CEP126: variants seen among roughly 807,000 people sequenced by gnomAD.
CEP126 encodes the protein centrosomal protein 126.
A neutral mutation model predicts 107.8 loss-of-function variants in CEP126; 74 were observed. The ratio of observed to expected loss-of-function variants is 0.69; its 90% confidence interval spans 0.57 to 0.83. The LOEUF is 0.83. CEP126 is among the 40% of genes least tolerant of loss of function. The probability of loss-of-function intolerance (pLI) is 0.00; values close to 1 mark genes in which losing one functional copy is unlikely to be tolerated. For missense variants in CEP126, 1,237 were observed against 1,281.9 expected (o/e 0.96, Z 0.53); for synonymous variants, 449 against 446.0 (o/e 1.01, Z -0.08).
intron 2 of CEP126, among the ~76,000 whole-genome samples, chr11:101,930,451 G>C (rs1940479715): frequency 6.6e-6 from 1 of 152,158 alleles, no homozygotes; most frequent in Non-Finnish European, 1.5e-5. Context: ...GACTTCAGGA[G>C]TGAAGCCGCA....
intron 1 of CEP126, among the ~76,000 whole-genome samples, chr11:101,919,507 T>A (rs1240036055): frequency 3.9e-5 from 6 of 152,112 alleles, no homozygotes; most frequent in Non-Finnish European, 7.4e-5. Context: ...GTGTTTTTTT[T>A]ATGGAACTCC....
At chr11:101,927,459 A>G (rs762377564) in intron 2 of CEP126, among the ~76,000 whole-genome samples, 32 of 152,292 alleles carry the variant, frequency 2.1e-4, no homozygotes, top group East Asian at 1.7e-3. Context: ...ATATAGTACA[A>G]TATCACAACT....
intron 8 of CEP126, 61 bp downstream of exon 8, chr11:101,982,025 T>G: frequency 2.2e-6 from 2 of 897,874 alleles, no homozygotes; most frequent in East Asian, 5.1e-5. Flanking sequence ...TTTTCTTGTA[T>G]GCCTATTCTC....
intron 4 of CEP126, among the ~76,000 whole-genome samples, chr11:101,949,760 G>A (rs1179046491): frequency 6.6e-6 from 1 of 152,178 alleles, no homozygotes; most frequent in Non-Finnish European, 1.5e-5. Context: ...GAGAGGTTAA[G>A]TAAGGGACTA....
chr11:101,966,115 G>C (rs990353351), intron 6 of CEP126, among the ~76,000 whole-genome samples: 2 of 151,968 alleles, frequency 1.3e-5, no homozygotes, highest in African/African-American at 2.4e-5. Flanking sequence ...TTCGTATAAG[G>C]GACATTGGAA....
At position 101,962,766 on chromosome 11, in the gene CEP126, T is replaced by A; in HGVS notation, c.1731T>A (p.Ser577Arg). The change falls in exon 6 of 11, where the codon AGT becomes AGA. Residue 577 changes from serine to arginine, a missense_variant. Around this residue, in one of 3 missense-constraint regions of CEP126, gnomAD observed 1,134 missense variants for 1,150.5 expected, o/e 0.99. Coordinates refer to ENST00000263468, the MANE Select transcript of CEP126 (RefSeq NM_020802.4). ...HERNGVRFLK[S>R]ILKKESKYEH... ...GAAATGGTGTGAGATTTCTTAAAAGTATTTTAAAGAAAGAATCTAAATATG... is the reference window on the plus strand; with the variant it reads ...GAAATGGTGTGAGATTTCTTAAAAGAATTTTAAAGAAAGAATCTAAATATG... The A allele has an allele frequency of 6.2e-7, 1 of 1,605,848 alleles. No homozygotes were observed. The highest frequency in any genetic ancestry group is 8.5e-7 in the Non-Finnish European group (1 of 1,177,874).
At chr11:101,940,684 T>C (rs1940651018) in intron 2 of CEP126, among the ~76,000 whole-genome samples, 1 of 152,220 alleles carries the variant, frequency 6.6e-6, no homozygotes, top group Non-Finnish European at 1.5e-5. Context: ...CTGAGAAGGC[T>C]ACAACAATTG....
intron 6 of CEP126, among the ~76,000 whole-genome samples, chr11:101,969,556 A>G (rs1591288325): frequency 6.6e-6 from 1 of 152,364 alleles, no homozygotes; most frequent in East Asian, 1.9e-4. Context: ...GCAATTCTCC[A>G]CAAACTAATC....
At position 101,962,679 on chromosome 11, in the gene CEP126, T is replaced by C. The variant is rs1940994914; in HGVS notation, c.1644T>C (p.Asn548=). Residue 548 remains asparagine, a synonymous_variant, in exon 6 of 11, where the codon AAT becomes AAC. Transcript: ENST00000263468. ...QKLAETSSLS[N]VTSNYDFVGQ... ...TAGCTGAAACATCATCCTTGTCTAA[T>C]GTAACTTCTAATTATGACTTTGTTG... is the stretch of plus-strand genomic sequence containing the variant. The C allele has an allele frequency of 6.2e-7, 1 of 1,613,350 alleles. No homozygotes were observed. Among genetic ancestry groups the C allele is most frequent in the East Asian group, 2.2e-5 (1 of 44,804 alleles).
At position 101,963,208 on chromosome 11, in the gene CEP126, G is replaced by A; in HGVS notation, c.2173G>A (p.Ala725Thr). ...IPSGYNFAKH[A>T]WPASKKEESK... ...TTCAGGTTATAACTTTGCTAAACATGCCTGGCCAGCCTCAAAAAAAGAAGA... is the reference window on the plus strand; with the variant it reads ...TTCAGGTTATAACTTTGCTAAACATACCTGGCCAGCCTCAAAAAAAGAAGA... Residue 725 changes from alanine to threonine, a missense_variant, in exon 6 of 11, where the codon GCC (alanine) becomes ACC (threonine). Coordinates refer to ENST00000263468, the MANE Select transcript of CEP126 (RefSeq NM_020802.4). 3 of 1,613,876 alleles carry A rather than the reference G, an allele frequency of 1.9e-6. No homozygotes were observed. The South Asian group carries it at 3.3e-5, about 18-fold the overall frequency.
chr11:101,956,912 G>A (rs1446906709), intron 4 of CEP126: 1 of 353,264 alleles, frequency 2.8e-6, no homozygotes, highest in Non-Finnish European at 5.5e-6. Flanking sequence ...GAAAGGAATA[G>A]AGAAGAAAGT....
At position 101,999,650 on chromosome 11, in the gene CEP126, A is replaced by C. The variant is rs1941484461; in HGVS notation, c.*2007A>C. 6.6e-6 allele frequency: 1 copy of C among 152,186 alleles called. No homozygotes were observed. The highest frequency in any genetic ancestry group is 2.4e-5 in the African/African-American group (1 of 41,442). 9.4% of individuals were successfully genotyped at this position (152,186 alleles called of 1,614,324 possible). On this transcript the variant is annotated 3_prime_UTR_variant, in exon 11 of 11. Transcript: ENST00000263468. ...CATGACTCCTCCAGAATTTTAGTAGATACAGGGTGGGTTCATTAAGAGTGA... is the reference window on the plus strand; with the variant it reads ...CATGACTCCTCCAGAATTTTAGTAGCTACAGGGTGGGTTCATTAAGAGTGA...
At chr11:101,996,845 G>C (rs1440281660) in intron 10 of CEP126, among the ~76,000 whole-genome samples, 1 of 151,992 alleles carries the variant, frequency 6.6e-6, no homozygotes, top group Non-Finnish European at 1.5e-5. Flanking sequence ...TGGGTTCCAG[G>C]CCCTTTCATC....
intron 3 of CEP126, 120 bp from the exon 4 acceptor site, chr11:101,947,911 A>C: frequency 2.3e-6 from 1 of 439,614 alleles, no homozygotes; most frequent in Non-Finnish European, 4.0e-6. Context: ...TATTCTGAAA[A>C]TATTTTATTT....
chr11:101,965,838 A>G (rs763872369), intron 6 of CEP126, among the ~76,000 whole-genome samples: 10 of 152,196 alleles, frequency 6.6e-5, no homozygotes, highest in African/African-American at 1.2e-4. Context: ...CAGAATTGGT[A>G]TTTTGATCCA....
chr11:101,962,010 A>G lies in CEP126; in HGVS notation c.975A>G (p.Thr325=), dbSNP rs1156319432. The part of the protein sequence containing the change: ...NLDASNTQNV[T]AFSDILSKSN... ...ATGCTTCAAATACTCAGAATGTCAC[A>G]GCTTTCTCAGATATTTTAAGTAAAT... The change falls in exon 6 of 11, where the codon ACA becomes ACG. Residue 325 remains threonine, a synonymous_variant. Coordinates refer to ENST00000263468, the MANE Select transcript of CEP126 (RefSeq NM_020802.4). 6.2e-7 allele frequency: 1 copy of G among 1,612,914 alleles called. No individual in the cohort carries two copies. The highest frequency in any genetic ancestry group is 1.3e-5 in the African/African-American group (1 of 74,884).
At chr11:101,940,818 G>C (rs1940653182) in intron 2 of CEP126, among the ~76,000 whole-genome samples, 1 of 152,202 alleles carries the variant, frequency 6.6e-6, no homozygotes, top group Non-Finnish European at 1.5e-5. Flanking sequence ...CCTGGAGTGA[G>C]CATTCCAGAA....
Position 101,986,798 on chromosome 11 carries a change from G to A in CEP126, c.3035-34G>A, listed in dbSNP as rs1241006161. 3 of 1,521,592 alleles carry A rather than the reference G, an allele frequency of 2.0e-6. No individual in the cohort carries two copies. In the African/African-American group the frequency reaches 4.1e-5, roughly 21 times the overall value. 94.3% of individuals were successfully genotyped at this position (1,521,592 alleles called of 1,614,324 possible). A position where few individuals can be genotyped will look rare whatever the true frequency, so the allele number is the denominator to read the frequency against. Reference sequence around the variant, plus strand: ...TAAGGGCTGATCTCAAAGACAAAAGGGGTTCAAAGAATAACTGATGTAAGT... The same window carrying A: ...TAAGGGCTGATCTCAAAGACAAAAGAGGTTCAAAGAATAACTGATGTAAGT... On this transcript the variant is annotated intron_variant, in intron 8 of 10. Transcript: ENST00000263468.
intron 5 of CEP126, 22 bp downstream of exon 5, chr11:101,958,388 G>C: frequency 6.3e-7 from 1 of 1,594,186 alleles, no homozygotes. Context: ...TAAAAATGTT[G>C]TTAATATTTT....
Sources: gnomAD v4.1 joint callset for allele counts (sites outside exome capture counted in the v4.1 genomes callset) on GRCh38, gnomAD v4.1.1 for gene constraint, gnomAD v4.1.1 regional missense constraint, MANE v1.5 for transcripts, NCBI Gene and HGNC (gene_info 2026-07-23, HGNC 2026-07-21) for gene names.